The following ALK variants were observed in gnomAD, a reference collection of about 807,000 sequenced individuals.
ALK encodes ALK receptor tyrosine kinase.
ALK carries 74 observed loss-of-function variants against 163.1 expected under a neutral mutation model. That is an observed-to-expected ratio of 0.45 (90% CI 0.38 to 0.55). ALK has a LOEUF of 0.55. Among genes scored for constraint, ALK ranks in the 20% least tolerant of loss-of-function variants. ALK has a pLI of 0.00. For missense variants in ALK, 2,063 were observed against 2,105.3 expected, an observed-to-expected ratio of 0.98 and a Z score of 0.39; for synonymous variants, 960 against 843.2, an observed-to-expected ratio of 1.14 and a Z score of -2.40.
At chr2:29,877,840 T>C (rs918819687) in intron 1 of ALK, among the ~76,000 whole-genome samples, 1 of 152,180 alleles carries the variant, frequency 6.6e-6, no homozygotes, top group Admixed American at 6.5e-5. Context: ...GAGGCTGCTT[T>C]TCCCCATGGA....
At chr2:29,640,182 A>G (rs1190627275) in intron 3 of ALK, among the ~76,000 whole-genome samples, 1 of 152,172 alleles carries the variant, frequency 6.6e-6, no homozygotes, top group Non-Finnish European at 1.5e-5. Flanking sequence ...TCATCTCCTC[A>G]GTAAGTAACT....
chr2:29,672,048 C>T (rs1482957540), intron 3 of ALK, among the ~76,000 whole-genome samples: 5 of 101,508 alleles, frequency 4.9e-5, no homozygotes, highest in African/African-American at 7.4e-5. Context: ...GCTTCCAGGA[C>T]ATTTTCTTTT....
At chr2:29,594,834 T>C (rs558112392) in intron 3 of ALK, among the ~76,000 whole-genome samples, 12 of 139,796 alleles carry the variant, frequency 8.6e-5, no homozygotes, top group South Asian at 2.3e-4. Flanking sequence ...TTCTCTTCTC[T>C]TTCTCACTTC....
chr2:29,416,414 T>C (rs62131765), intron 4 of ALK, among the ~76,000 whole-genome samples: 35,005 of 152,258 alleles, frequency 0.23, 4,426 homozygotes, highest in Non-Finnish European at 0.29. Context: ...TCAGATATCA[T>C]GAAGTCCCCT....
At chr2:29,909,349 C>T (rs1425944395) in intron 1 of ALK, among the ~76,000 whole-genome samples, 1 of 152,166 alleles carries the variant, frequency 6.6e-6, no homozygotes, top group Non-Finnish European at 1.5e-5. Flanking sequence ...CCAAAAAGAG[C>T]ATAGTGGCCT....
In ALK at chr2:29,920,143, G is replaced by A. The variant is rs760343255; in HGVS notation, c.517C>T (p.Leu173=). ...CCTTGGCGAATCCACCAACTGAACA[G>A]CTCGCTGAGATTGAACTGGAGCAGC... The part of the protein sequence containing the change: ...VGLLQFNLSE[L]FSWWIRQGEG... The change falls in exon 1 of 29, where the codon CTG becomes TTG. Residue 173 remains leucine (L), a synonymous_variant. Transcript: ENST00000389048. 2 of 1,613,894 alleles carry A rather than the reference G, an allele frequency of 1.2e-6. No homozygotes were observed. The highest frequency in any genetic ancestry group is 1.7e-5 in the Admixed American group (1 of 60,036).
At chr2:29,675,608 T>C (rs1677849825) in intron 3 of ALK, among the ~76,000 whole-genome samples, 1 of 152,020 alleles carries the variant, frequency 6.6e-6, no homozygotes. Flanking sequence ...CCTGTGAATT[T>C]TTTTTTCTTA....
intron 4 of ALK, among the ~76,000 whole-genome samples, chr2:29,468,685 CAA>C (rs1214182155): frequency 6.6e-6 from 1 of 150,404 alleles, no homozygotes; most frequent in Non-Finnish European, 1.5e-5. Context: ...CCTTTCTCTA[CAA>C]AAAATTTGAA....
chr2:29,640,595 G>A (rs756584061), intron 3 of ALK, among the ~76,000 whole-genome samples: 7 of 152,244 alleles, frequency 4.6e-5, no homozygotes, highest in South Asian at 2.1e-4. Flanking sequence ...CTGCAGAACC[G>A]TGAGCCATTA....
chr2:29,216,780 G>T (rs1229146889), intron 23 of ALK, among the ~76,000 whole-genome samples: 1 of 151,698 alleles, frequency 6.6e-6, no homozygotes, highest in Non-Finnish European at 1.5e-5. Flanking sequence ...TGTGAGGTGT[G>T]TGTGGTGTGT....
intron 1 of ALK, among the ~76,000 whole-genome samples, chr2:29,772,100 G>T (rs1032645623): frequency 4.6e-5 from 7 of 152,190 alleles, no homozygotes; most frequent in African/African-American, 1.7e-4. Flanking sequence ...ACCCAGATGG[G>T]AGCAGGGAAG....
At chr2:29,332,520 G>T (rs1489796323) in intron 5 of ALK, among the ~76,000 whole-genome samples, 1 of 151,968 alleles carries the variant, frequency 6.6e-6, no homozygotes. Context: ...AGGGTCAAAA[G>T]AAACAAAGAA....
At chr2:29,504,166 A>C (rs1441120692) in intron 4 of ALK, among the ~76,000 whole-genome samples, 2 of 152,228 alleles carry the variant, frequency 1.3e-5, no homozygotes, top group South Asian at 2.1e-4. Flanking sequence ...GGGAGGTGAC[A>C]GTATAGAGCC....
intron 11 of ALK, among the ~76,000 whole-genome samples, chr2:29,269,788 C>T (rs987669436): frequency 3.3e-5 from 5 of 151,986 alleles, no homozygotes; most frequent in Non-Finnish European, 5.9e-5. Flanking sequence ...GCCTGCCACC[C>T]CTTAATGAAC....
intron 1 of ALK, among the ~76,000 whole-genome samples, chr2:29,778,080 CG>C (rs1471740093): frequency 2.6e-5 from 4 of 152,182 alleles, no homozygotes; most frequent in Admixed American, 6.5e-5. Flanking sequence ...ATTACTACAG[CG>C]GGTCTTCAAT....
intron 1 of ALK, among the ~76,000 whole-genome samples, chr2:29,786,776 TTTTG>T (rs918502629): frequency 1.4e-4 from 21 of 152,126 alleles, no homozygotes; most frequent in African/African-American, 4.6e-4. Context: ...TGGGAGTTTT[TTTTG>T]TTTGTTTGTT....
At chr2:29,852,065 CA>C (rs1235089741) in intron 1 of ALK, among the ~76,000 whole-genome samples, 1 of 152,156 alleles carries the variant, frequency 6.6e-6, no homozygotes, top group African/African-American at 2.4e-5. Context: ...GAGAACGGAA[CA>C]AAAACTCATC....
Position 29,910,109 on chromosome 2 carries a change from C to T in ALK, c.667+9884G>A, listed in dbSNP as rs532397364. ...AAATACTATAATTAGTGGAAAGGAA[C>T]TTTAAAATAGCTGTTATACGTGTTC... is the stretch of plus-strand genomic sequence containing the variant. On this transcript the variant is annotated intron_variant, in intron 1 of 28. Coordinates refer to ENST00000389048, the MANE Select transcript of ALK (RefSeq NM_004304.5). Among the ~76,000 whole-genome samples, 5 of 151,670 alleles carry T rather than the reference C, an allele frequency of 3.3e-5. No individual in the cohort carries two copies. The South Asian group carries it at 1.0e-3, about 32-fold the overall frequency.
At chr2:29,895,755 A>C (rs1667252233) in intron 1 of ALK, among the ~76,000 whole-genome samples, 1 of 152,176 alleles carries the variant, frequency 6.6e-6, no homozygotes, top group African/African-American at 2.4e-5. Context: ...CATCTGCTTA[A>C]TTACCATCTT....
Sources: allele counts gnomAD v4.1 joint callset (sites outside exome capture counted in the v4.1 genomes callset), GRCh38; gene constraint gnomAD v4.1.1; transcripts MANE v1.5; gene names NCBI Gene and HGNC (gene_info 2026-07-23, HGNC 2026-07-21).